NPR2: variants seen among roughly 807,000 people sequenced by gnomAD.
NPR2 encodes the protein natriuretic peptide receptor 2.
In NPR2, 49 loss-of-function variants were observed where a neutral mutation model predicts 120.7. That is an observed-to-expected ratio of 0.41 (90% CI 0.32 to 0.52). The LOEUF (loss-of-function observed/expected upper bound fraction) is 0.52. NPR2 is among the 20% of genes least tolerant of loss of function. The probability of loss-of-function intolerance (pLI) is 0.36; values close to 1 mark genes in which losing one functional copy is unlikely to be tolerated. For synonymous variants in NPR2, 484 were observed against 519.8 expected, an observed-to-expected ratio of 0.93 and a Z score of 0.94; for missense variants, 931 against 1,362.9, an observed-to-expected ratio of 0.68 and a Z score of 4.99.
chr9:35,792,892 T>G lies in NPR2; in HGVS notation c.484T>G (p.Trp162Gly). ...GGTGACACTACACGGGCACTTCAAT[T>G]GGACTGCCCGTGCTGCCTTGCTGTA... Reference protein sequence around the residue: ...FVVTLHGHFNWTARAALLYLD... With the variant: ...FVVTLHGHFNGTARAALLYLD... The change falls in exon 1 of 22, where the codon TGG becomes GGG. Residue 162 changes from tryptophan (W) to glycine (G), a missense_variant. This residue lies in a region of NPR2 where 681 missense variants were observed against 974.3 expected (regional missense o/e 0.70). Transcript: ENST00000342694. The G allele has an allele frequency of 6.2e-7, 1 of 1,614,074 alleles. No individual in the cohort carries two copies. Among genetic ancestry groups the G allele is most frequent in the Non-Finnish European group, 8.5e-7 (1 of 1,180,020 alleles).
At position 35,802,223 on chromosome 9, in the gene NPR2, C is replaced by T. The variant is rs369022842; in HGVS notation, c.1650C>T (p.Ile550=). The T allele has an allele frequency of 6.8e-6, 11 of 1,606,592 alleles. No homozygotes were observed. The highest frequency in any genetic ancestry group is 9.4e-6 in the Non-Finnish European group (11 of 1,173,498). Residue 550 remains isoleucine (I), a synonymous_variant, in exon 10 of 22, where the codon ATC becomes ATT. Transcript: ENST00000342694. This position sits in a 1 kb window ranked among gnomAD's most constrained non-coding sequence, Gnocchi z 4.2. ...TGHFKGNVVA[I]KHVNKKRIEL... is the part of the protein sequence containing the mutation. ...ACCATCAGGGAAATGTTGTCGCCATCAAACATGTGAATAAGAAGCGCATTG... is the reference window on the plus strand; with the variant it reads ...ACCATCAGGGAAATGTTGTCGCCATTAAACATGTGAATAAGAAGCGCATTG...
rs28764011 is a variant in NPR2, at chr9:35,802,398, G to T, written c.1711-105G>T. ...TTGATTTATAAATGATTTTAAAATC[G>T]TAGATACAACTAAGAGAAAGGTCCT... is the stretch of plus-strand genomic sequence containing the variant. On this transcript the variant is annotated intron_variant, in intron 10 of 21. Transcript: ENST00000342694. This position sits in a 1 kb window ranked among gnomAD's most constrained non-coding sequence, Gnocchi z 4.2. The T allele has an allele frequency of 1.4e-5, 13 of 960,518 alleles. No homozygotes were observed. The highest frequency in any genetic ancestry group is 2.1e-4 in the Middle Eastern group (1 of 4,822). The allele number at this position is 960,518 out of a possible 1,614,324, so 59.5% of individuals were successfully genotyped here.
Position 35,800,438 on chromosome 9 carries a change from C to T in NPR2, c.1173C>T (p.Asp391=), listed in dbSNP as rs1244740104. The change falls in exon 5 of 22, where the codon GAC becomes GAT. Residue 391 remains aspartate, a synonymous_variant. Coordinates refer to ENST00000342694, the MANE Select transcript of NPR2 (RefSeq NM_003995.4). The surrounding 1 kb of genome is among the most constrained non-coding windows in gnomAD (Gnocchi z 4.7). The part of the protein sequence containing the change: ...VMDKNNDRET[D]FVLWAMGDLD... Reference sequence around the variant, plus strand: ...ACAAGAACAATGACCGAGAGACTGACTTTGTCCTCTGGGCCATGGGAGACC... The same window carrying T: ...ACAAGAACAATGACCGAGAGACTGATTTTGTCCTCTGGGCCATGGGAGACC... 1.2e-6 allele frequency: 2 copies of T among 1,614,000 alleles called. No homozygotes were observed. Among genetic ancestry groups the T allele is most frequent in the Non-Finnish European group, 1.7e-6 (2 of 1,179,986 alleles).
At chr9:35,794,577 A>G (rs559538148) in intron 2 of NPR2, among the ~76,000 whole-genome samples, 1 of 152,352 alleles carries the variant, frequency 6.6e-6, no homozygotes, top group South Asian at 2.1e-4. Context: ...GCTTTTACAC[A>G]GGAAGTGAGA....
rs1828405747 is a variant in NPR2 at position 35,806,753 on chromosome 9, C to T, written c.2519+215C>T. Among the ~76,000 whole-genome samples, 1 of 152,234 alleles carries T rather than the reference C, an allele frequency of 6.6e-6. No homozygotes were observed. Among genetic ancestry groups the T allele is most frequent in the African/African-American group, 2.4e-5 (1 of 41,460 alleles). ...CATCCCTTCTTCTTAAGACCCTGCT[C>T]TACCACACCCTTGCTTCAGCAAGTG... On this transcript the variant is annotated intron_variant, in intron 16 of 21. Transcript: ENST00000342694. This position sits in a 1 kb window ranked among gnomAD's most constrained non-coding sequence, Gnocchi z 4.6.
In NPR2 at chr9:35,808,119, CCTCT is replaced by C; in HGVS notation, c.2713-387_2713-384del. 7.6e-7 allele frequency: 1 copy of C among 1,312,556 alleles called. No homozygotes were observed. Among genetic ancestry groups the C allele is most frequent in the African/African-American group, 1.5e-5 (1 of 68,956 alleles). The allele number at this position is 1,312,556 out of a possible 1,614,324, so 81.3% of individuals were successfully genotyped here. A position where few individuals can be genotyped will look rare whatever the true frequency, so the allele number is the denominator to read the frequency against. ...ACCAAAATCAAATGCCTGCTTTCCT[CCTCT>C]CTGACAGTTTGGGCTGTCAGGTCCA... On this transcript the variant is annotated intron_variant, in intron 18 of 21. Transcript: ENST00000342694. This position sits in a 1 kb window ranked among gnomAD's most constrained non-coding sequence, Gnocchi z 4.0.
Position 35,802,864 on chromosome 9 carries a change from T to C in NPR2, c.1887+61T>C. On this transcript the variant is annotated intron_variant, in intron 12 of 21. Transcript: ENST00000342694. This position sits in a 1 kb window ranked among gnomAD's most constrained non-coding sequence, Gnocchi z 4.2. ...TTAAATCACTTCCACTGTTCTTTGA[T>C]TGTGGTTTTTCTCCTTCTAGTCCTC... The C allele has an allele frequency of 8.5e-7, 1 of 1,180,830 alleles. No homozygotes were observed. The highest frequency in any genetic ancestry group is 2.3e-5 in the East Asian group (1 of 42,916). 73.1% of individuals were successfully genotyped at this position (1,180,830 alleles called of 1,614,324 possible).
rs1477544632 is a variant in NPR2 at position 35,800,451 on chromosome 9, G to A, written c.1186G>A (p.Ala396Thr). The change falls in exon 5 of 22, where the codon GCC becomes ACC. Residue 396 changes from alanine (A) to threonine (T), a missense_variant. Coordinates refer to ENST00000342694, the MANE Select transcript of NPR2 (RefSeq NM_003995.4). The surrounding 1 kb of genome is among the most constrained non-coding windows in gnomAD (Gnocchi z 4.7). ...CCGAGAGACTGACTTTGTCCTCTGG[G>A]CCATGGGAGACCTGGATTCTGGGGA... Reference protein sequence around the residue: ...NDRETDFVLWAMGDLDSGDFQ... With the variant: ...NDRETDFVLWTMGDLDSGDFQ... 5 of 1,614,096 alleles carry A rather than the reference G, an allele frequency of 3.1e-6. No individual in the cohort carries two copies. In the South Asian group the frequency reaches 3.3e-5, roughly 11 times the overall value.
rs944966812 is a variant in NPR2 at position 35,803,098 on chromosome 9, C to G, written c.1887+295C>G. On this transcript the variant is annotated intron_variant, in intron 12 of 21. Coordinates refer to ENST00000342694, the MANE Select transcript of NPR2 (RefSeq NM_003995.4). ...TAAGAACTCATAAAATGAGTGGAGT[C>G]TCTGAACATATTTTTTTTTTTTTGA... Among the ~76,000 whole-genome samples, 3 of 152,096 alleles carry G rather than the reference C, an allele frequency of 2.0e-5. 1 individual carries two copies. The highest frequency in any genetic ancestry group is 4.4e-5 in the Non-Finnish European group (3 of 68,024).
In NPR2 at chr9:35,809,084, G is replaced by T; in HGVS notation, c.2987-72G>T. 2 of 1,383,974 alleles carry T rather than the reference G, an allele frequency of 1.4e-6. No homozygotes were observed. Among genetic ancestry groups the T allele is most frequent in the Non-Finnish European group, 1.0e-6 (1 of 972,118 alleles). The allele number at this position is 1,383,974 out of a possible 1,614,324, so 85.7% of individuals were successfully genotyped here. On this transcript the variant is annotated intron_variant, in intron 20 of 21. Coordinates refer to ENST00000342694, the MANE Select transcript of NPR2 (RefSeq NM_003995.4). This position sits in a 1 kb window ranked among gnomAD's most constrained non-coding sequence, Gnocchi z 4.1. ...GGTTGGTCGGGCACGGTGCTATACAGTATCACCAATTATTTGATTGCCTTT... is the reference window on the plus strand; with the variant it reads ...GGTTGGTCGGGCACGGTGCTATACATTATCACCAATTATTTGATTGCCTTT...
rs111943876 is a variant in NPR2, at chr9:35,802,132, C to G, written c.1633-74C>G. On this transcript the variant is annotated intron_variant, in intron 9 of 21. Coordinates refer to ENST00000342694, the MANE Select transcript of NPR2 (RefSeq NM_003995.4). This position sits in a 1 kb window ranked among gnomAD's most constrained non-coding sequence, Gnocchi z 4.2. ...CCAGCTGAGCTCCTGGGTGCTTCCA[C>G]TGCTCTCTAGCATTTCCTTGTACCC... 29 of 1,310,810 alleles carry G rather than the reference C, an allele frequency of 2.2e-5. No homozygotes were observed. Among genetic ancestry groups the G allele is most frequent in the African/African-American group, 1.3e-4 (9 of 69,036 alleles). 81.2% of individuals were successfully genotyped at this position (1,310,810 alleles called of 1,614,324 possible).
intron 2 of NPR2, among the ~76,000 whole-genome samples, chr9:35,797,609 C>G (rs1414263103): frequency 6.6e-6 from 1 of 152,156 alleles, no homozygotes; most frequent in Non-Finnish European, 1.5e-5. Flanking sequence ...ACCACTGCAC[C>G]CATTTGTGGC....
At position 35,802,983 on chromosome 9, in the gene NPR2, T is replaced by TA. The variant is rs1436541672; in HGVS notation, c.1887+181dup. On this transcript the variant is annotated intron_variant, in intron 12 of 21. Transcript: ENST00000342694. The surrounding 1 kb of genome is among the most constrained non-coding windows in gnomAD (Gnocchi z 4.2). Reference sequence around the variant, plus strand: ...GGCTTATAACTGGGACAGTGAGTTTTACCTGCCACAAGGAGTCCTGTGCCT... The same window carrying TA: ...GGCTTATAACTGGGACAGTGAGTTTTAACCTGCCACAAGGAGTCCTGTGCCT... Among the ~76,000 whole-genome samples, 1 of 152,274 alleles carries TA rather than the reference T, an allele frequency of 6.6e-6. No individual in the cohort carries two copies. The highest frequency in any genetic ancestry group is 1.5e-5 in the Non-Finnish European group (1 of 68,050).
intron 1 of NPR2, among the ~76,000 whole-genome samples, chr9:35,793,326 T>C (rs1305757555): frequency 6.6e-6 from 1 of 152,016 alleles, no homozygotes; most frequent in Non-Finnish European, 1.5e-5. Context: ...CAAGGTGGAA[T>C]GTGAAAATGA....
intron 2 of NPR2, among the ~76,000 whole-genome samples, chr9:35,796,479 C>T (rs1416112215): frequency 1.3e-5 from 2 of 152,222 alleles, no homozygotes; most frequent in East Asian, 3.8e-4. Flanking sequence ...GCCACTGCGC[C>T]TTGCTGGCTG....
At chr9:35,801,608 G>A (rs371359652) in intron 7 of NPR2, 35 bp from the exon 8 acceptor site, 174 of 1,613,682 alleles carry the variant, frequency 1.1e-4, no homozygotes, top group Non-Finnish European at 1.4e-4. Flanking sequence ...GCAGGATTCG[G>A]CTTGCCAGTC....
intron 2 of NPR2, among the ~76,000 whole-genome samples, chr9:35,798,614 C>G (rs145956672): frequency 6.6e-6 from 1 of 152,142 alleles, no homozygotes. Context: ...GAGAAATGAC[C>G]GGATTTTAAA....
At position 35,800,626 on chromosome 9, in the gene NPR2, G is replaced by T. The variant is rs1002904643; in HGVS notation, c.1219-83G>T. On this transcript the variant is annotated intron_variant, in intron 5 of 21. Transcript: ENST00000342694. This position sits in a 1 kb window ranked among gnomAD's most constrained non-coding sequence, Gnocchi z 4.7. Reference sequence around the variant, plus strand: ...CATCCTGGCTGGGTGGTAGGCTGGGGAGAAAAGCAGCGAAACAGCTGGGGT... The same window carrying T: ...CATCCTGGCTGGGTGGTAGGCTGGGTAGAAAAGCAGCGAAACAGCTGGGGT... The T allele has an allele frequency of 4.4e-6, 7 of 1,609,130 alleles. No homozygotes were observed. The African/African-American group carries it at 9.4e-5, about 22-fold the overall frequency.
At chr9:35,807,289 G>A (rs778754083) in intron 17 of NPR2, 41 bp from the exon 18 acceptor site, 2 of 1,553,534 alleles carry the variant, frequency 1.3e-6, no homozygotes, top group South Asian at 2.2e-5. Flanking sequence ...TTAGAAAATT[G>A]GGCACAAGTC....
Sources: gnomAD v4.1 joint callset for allele counts (sites outside exome capture counted in the v4.1 genomes callset) on GRCh38, gnomAD v4.1.1 for gene constraint, gnomAD v4.1.1 regional missense constraint, Gnocchi (gnomAD v3.1) non-coding constraint, MANE v1.5 for transcripts, NCBI Gene and HGNC (gene_info 2026-07-23, HGNC 2026-07-21) for gene names.